INPP5B: variants seen among roughly 807,000 people sequenced by gnomAD.
INPP5B encodes the protein type II inositol 1,4,5-trisphosphate 5-phosphatase.
INPP5B carries 90 observed loss-of-function variants against 118.5 expected under a neutral mutation model. The observed-to-expected ratio is 0.76, with a 90% CI of 0.64 to 0.90. The LOEUF (loss-of-function observed/expected upper bound fraction) is 0.90. INPP5B is among the 40% of genes least tolerant of loss of function. The pLI is 0.00. For missense variants in INPP5B, 984 were observed against 1,125.6 expected (o/e 0.87, Z 1.80); for synonymous variants, 385 against 418.9 (o/e 0.92, Z 0.99).
At chr1:37,911,755 G>A (rs1405557145) in intron 7 of INPP5B, among the ~76,000 whole-genome samples, 2 of 152,142 alleles carry the variant, frequency 1.3e-5, no homozygotes, top group African/African-American at 4.8e-5. Flanking sequence ...CATCATTAAT[G>A]CCTCTTTAAT....
chr1:37,908,742 C>T lies in INPP5B; in HGVS notation c.533-17288G>A, dbSNP rs368722280. ...ACCCTCCACTGGTGTCTGATCACTGCGGGGACACCTGCCTTAGTCATTCAC... is the reference window on the plus strand; with the variant it reads ...ACCCTCCACTGGTGTCTGATCACTGTGGGGACACCTGCCTTAGTCATTCAC... On this transcript the variant is annotated intron_variant, in intron 7 of 23. Transcript: ENST00000373024. Among the ~76,000 whole-genome samples, 30 of 152,296 alleles carry T rather than the reference C, an allele frequency of 2.0e-4. No homozygotes were observed. The South Asian group carries it at 5.6e-3, about 28-fold the overall frequency.
intron 3 of INPP5B, among the ~76,000 whole-genome samples, chr1:37,945,289 G>A (rs926331727): frequency 2.0e-5 from 3 of 152,192 alleles, no homozygotes; most frequent in African/African-American, 7.2e-5. Flanking sequence ...AAATGAGCCA[G>A]GCATGGTGGC....
rs567929225 is a variant in INPP5B at position 37,882,758 on chromosome 1, T to C, written c.1431+49A>G. ...TTGGAAGCCAGGCTTTTCTGTGCCC[T>C]CATGGTGGAGGACAGCTGCTGGAAG... is the stretch of plus-strand genomic sequence containing the variant. On this transcript the variant is annotated intron_variant, in intron 14 of 23. Coordinates refer to ENST00000373024, the MANE Select transcript of INPP5B (RefSeq NM_005540.3). 8 of 1,456,454 alleles carry C rather than the reference T, an allele frequency of 5.5e-6. No homozygotes were observed. The East Asian group carries it at 1.8e-4, about 33-fold the overall frequency. 90.2% of individuals were successfully genotyped at this position (1,456,454 alleles called of 1,614,324 possible). A position where few individuals can be genotyped will look rare whatever the true frequency, so the allele number is the denominator to read the frequency against.
Position 37,933,897 on chromosome 1 carries a change from TA to T in INPP5B, c.392-1845del, listed in dbSNP as rs1645587871. On this transcript the variant is annotated intron_variant, in intron 6 of 23. Transcript: ENST00000373024. ...AACCTGGTCCCATTACTTCAATTTT[TA>T]TTTTATTTATTTATTTATTTATTTA... is the stretch of plus-strand genomic sequence containing the variant. Among the ~76,000 whole-genome samples, 3 of 139,750 alleles carry T rather than the reference TA, an allele frequency of 2.1e-5. No individual in the cohort carries two copies. In the Admixed American group the frequency reaches 2.4e-4, roughly 11 times the overall value. The allele number at this position is 139,750 out of a possible 152,430, so 91.7% of individuals were successfully genotyped here.
intron 23 of INPP5B, 84 bp downstream of exon 23, chr1:37,864,228 G>A: frequency 2.7e-6 from 2 of 746,904 alleles, no homozygotes; most frequent in South Asian, 1.7e-5. Flanking sequence ...TACTGCAAGG[G>A]ACCTGGGACC....
chr1:37,876,396 G>A (rs965346315), intron 16 of INPP5B, among the ~76,000 whole-genome samples: 6 of 151,368 alleles, frequency 4.0e-5, no homozygotes, highest in African/African-American at 1.5e-4. Context: ...GTGAGGCATT[G>A]TAATGATAAT....
At chr1:37,888,429 T>G in intron 9 of INPP5B, 85 bp from the exon 10 acceptor site, 1 of 806,530 alleles carries the variant, frequency 1.2e-6, no homozygotes, top group Non-Finnish European at 1.9e-6. Flanking sequence ...TATGCTGGTT[T>G]CCGTCTCTGT....
chr1:37,939,574 A>T (rs1461734898), intron 6 of INPP5B, among the ~76,000 whole-genome samples: 1 of 149,774 alleles, frequency 6.7e-6, no homozygotes, highest in East Asian at 2.0e-4. Context: ...CCTCCCGAGT[A>T]GCTGGGACTA....
intron 7 of INPP5B, among the ~76,000 whole-genome samples, chr1:37,899,965 T>A (rs941646049): frequency 6.6e-6 from 1 of 151,710 alleles, no homozygotes; most frequent in African/African-American, 2.4e-5. Flanking sequence ...CCGCCCGCCT[T>A]GGCCTCCCAG....
intron 15 of INPP5B, among the ~76,000 whole-genome samples, chr1:37,878,714 A>G: frequency 6.6e-6 from 1 of 151,726 alleles, no homozygotes. Context: ...CAGTGGTGTG[A>G]TCTCAGCTCA....
intron 13 of INPP5B, 62 bp downstream of exon 13, chr1:37,885,576 A>G (rs1378888088): frequency 1.4e-6 from 2 of 1,468,464 alleles, no homozygotes; most frequent in African/African-American, 2.8e-5. Flanking sequence ...CCCCATGAAA[A>G]GACAGAGCCC....
At chr1:37,888,397 G>A (rs1643659497) in intron 9 of INPP5B, 53 bp from the exon 10 acceptor site, 1 of 1,135,010 alleles carries the variant, frequency 8.8e-7, no homozygotes, top group Non-Finnish European at 1.2e-6. Context: ...GAGATAACAG[G>A]AGAAAGCATT....
At position 37,931,954 on chromosome 1, in the gene INPP5B, G is replaced by A. The variant is rs751452047; in HGVS notation, c.491C>T (p.Ser164Leu). The change falls in exon 7 of 24, where the codon TCG (serine) becomes TTG (leucine). Residue 164 changes from serine (S) to leucine (L), a missense_variant. Physicochemically the swap from Ser to Leu is moderately radical, Grantham distance 145 (BLOSUM62 -2). Coordinates refer to ENST00000373024, the MANE Select transcript of INPP5B (RefSeq NM_005540.3). ...GTACCCTGGCCAGGTAACTAGGGCCGAGTTACAACCGCGCGGCGTTGGCAT... is the reference window on the plus strand; with the variant it reads ...GTACCCTGGCCAGGTAACTAGGGCCAAGTTACAACCGCGCGGCGTTGGCAT... ...LEMPTPRGCN[S>L]ALVTWPGYAT... 1.1e-5 allele frequency: 17 copies of A among 1,613,908 alleles called. No individual in the cohort carries two copies. Among genetic ancestry groups the A allele is most frequent in the Middle Eastern group, 1.6e-4 (1 of 6,084 alleles).
Position 37,866,406 on chromosome 1 carries a change from TCACACACACACACA to T in INPP5B, c.2386+39_2386+52del. 3 of 402,472 alleles carry T rather than the reference TCACACACACACACA, an allele frequency of 7.5e-6. No homozygotes were observed. In the East Asian group the frequency reaches 1.5e-4, roughly 20 times the overall value. 24.9% of individuals were successfully genotyped at this position (402,472 alleles called of 1,614,324 possible). A position where few individuals can be genotyped will look rare whatever the true frequency, so the allele number is the denominator to read the frequency against. On this transcript the variant is annotated intron_variant, in intron 21 of 23. Transcript: ENST00000373024. ...CATATTCTCTCTCTCTCTCTCTCTC[TCACACACACACACA>T]CACACACACACACACAGAGCTGAAT...
chr1:37,885,929 C>T, intron 12 of INPP5B, 104 bp from the exon 13 acceptor site: 2 of 1,049,380 alleles, frequency 1.9e-6, no homozygotes, highest in Non-Finnish European at 2.9e-6. Context: ...CCTGTAATCC[C>T]AGCACTTTGG....
intron 20 of INPP5B, 127 bp from the exon 21 acceptor site, chr1:37,866,670 C>A: frequency 1.5e-6 from 1 of 664,132 alleles, no homozygotes; most frequent in Non-Finnish European, 2.7e-6. Context: ...AATCACCTGA[C>A]AGATGATCTG....
At chr1:37,868,312 CAAAAAAA>C (rs35639791) in intron 20 of INPP5B, among the ~76,000 whole-genome samples, 182 bp downstream of exon 20, 1 of 83,026 alleles carries the variant, frequency 1.2e-5, no homozygotes, top group Non-Finnish European at 2.4e-5. Flanking sequence ...AACTCTGTCT[CAAAAAAA>C]AAAAAAAAAA....
Position 37,863,567 on chromosome 1 carries a change from T to C in INPP5B, c.2626+745A>G, listed in dbSNP as rs1392872267. 2.6e-5 allele frequency among the ~76,000 whole-genome samples: 4 copies of C among 151,732 alleles called. 1 individual carries two copies. The East Asian group carries it at 6.0e-4, about 23-fold the overall frequency. On this transcript the variant is annotated intron_variant, in intron 23 of 23. Coordinates refer to ENST00000373024, the MANE Select transcript of INPP5B (RefSeq NM_005540.3). ...AGCTGGGCATAGTGGCAAGCGCCTA[T>C]AATCCCAGCTACTCAGGAGGCCGAG...
chr1:37,915,490 C>A (rs1378053139), intron 7 of INPP5B, among the ~76,000 whole-genome samples: 2 of 152,172 alleles, frequency 1.3e-5, no homozygotes, highest in African/African-American at 4.8e-5. Context: ...AAAATTTGTT[C>A]CAGCCTTCAG....
Sources: gnomAD v4.1 joint callset for allele counts (sites outside exome capture counted in the v4.1 genomes callset) on GRCh38, gnomAD v4.1.1 for gene constraint, MANE v1.5 for transcripts, NCBI Gene and HGNC (gene_info 2026-07-23, HGNC 2026-07-21) for gene names.